Variants in PNPLA7 observed in about 807,000 individuals in gnomAD.
PNPLA7 encodes patatin like domain 7, lysophospholipase.
PNPLA7 carries 153 observed loss-of-function variants against 161.7 expected under a neutral mutation model. The ratio of observed to expected loss-of-function variants is 0.95; its 90% CI spans 0.83 to 1.08. The LOEUF (loss-of-function observed/expected upper bound fraction) is 1.08, where lower values mean the gene tolerates loss of function less well. PNPLA7 is among the 50% of genes least tolerant of loss of function. PNPLA7 has a pLI of 0.00. For missense variants in PNPLA7, 1,739 were observed against 1,856.6 expected, an observed-to-expected ratio of 0.94 and a Z score of 1.16; for synonymous variants, 809 against 782.1, an observed-to-expected ratio of 1.03 and a Z score of -0.57.
intron 14 of PNPLA7, among the ~76,000 whole-genome samples, chr9:137,504,113 G>GA (rs1833774218): frequency 7.7e-6 from 1 of 129,622 alleles, no homozygotes. Context: ...AAGAAAGAAA[G>GA]AAGAAGAAGA....
rs777197174 is a variant in PNPLA7, at chr9:137,523,842, G to C, written c.748-985C>G. Among the ~76,000 whole-genome samples, 2 of 152,130 alleles carry C rather than the reference G, an allele frequency of 1.3e-5. No individual in the cohort carries two copies. Among genetic ancestry groups the C allele is most frequent in the Non-Finnish European group, 2.9e-5 (2 of 68,036 alleles). On this transcript the variant is annotated intron_variant, in intron 8 of 34. Transcript: ENST00000406427. This position sits in a 1 kb window ranked among gnomAD's most constrained non-coding sequence, Gnocchi z 4.4. ...AGACAGGGTTTCACTGTGTTAGCCA[G>C]GAGGGTCTCGATCTCCTGACCTCGT... is the stretch of plus-strand genomic sequence containing the variant.
At chr9:137,522,628 AAG>A (rs1835085957) in intron 9 of PNPLA7, 99 bp downstream of exon 9, 1 of 1,306,984 alleles carries the variant, frequency 7.7e-7, no homozygotes, top group Non-Finnish European at 1.1e-6. Flanking sequence ...AGAACTGAGA[AAG>A]TAAGTGGGCA....
chr9:137,518,166 C>T (rs1834735843), intron 11 of PNPLA7, among the ~76,000 whole-genome samples: 1 of 125,882 alleles, frequency 7.9e-6, no homozygotes, highest in East Asian at 2.3e-4. Context: ...CGCACTCACT[C>T]CACTCTGTCC....
intron 6 of PNPLA7, 61 bp from the exon 7 acceptor site, chr9:137,542,862 G>C (rs1836284528): frequency 6.4e-7 from 1 of 1,550,570 alleles, no homozygotes; most frequent in Non-Finnish European, 8.8e-7. Context: ...GCCTCTCCAA[G>C]AGTCTCGAGA....
rs943815755 is a variant in PNPLA7, at chr9:137,490,997, G to A, written c.2197+2016C>T. On this transcript the variant is annotated intron_variant, in intron 20 of 34. Transcript: ENST00000406427. The surrounding 1 kb of genome is among the most constrained non-coding windows in gnomAD (Gnocchi z 4.1). ...CAAGGATAAGTTAGGTATGGATAAC[G>A]TCATCGCTAGAGTAACCACTGAAAA... Among the ~76,000 whole-genome samples, 4 of 152,196 alleles carry A rather than the reference G, an allele frequency of 2.6e-5. No individual in the cohort carries two copies. The highest frequency in any genetic ancestry group is 1.9e-4 in the East Asian group (1 of 5,206).
At chr9:137,481,884 T>A (rs938420595) in intron 21 of PNPLA7, among the ~76,000 whole-genome samples, 1 of 152,132 alleles carries the variant, frequency 6.6e-6, no homozygotes, top group Non-Finnish European at 1.5e-5. Context: ...TGCAGTGAGC[T>A]GAGATCGCGC....
At position 137,543,347 on chromosome 9, in the gene PNPLA7, G is replaced by C; in HGVS notation, c.506+85C>G. ...TTTGCCAACCATTCCCCCAACACAAGACGGCCAAGCTGGAGCCAGGCCCCA... is the reference window on the plus strand; with the variant it reads ...TTTGCCAACCATTCCCCCAACACAACACGGCCAAGCTGGAGCCAGGCCCCA... On this transcript the variant is annotated intron_variant, in intron 6 of 34. Coordinates refer to ENST00000406427, the MANE Select transcript of PNPLA7 (RefSeq NM_001098537.3). This position sits in a 1 kb window ranked among gnomAD's most constrained non-coding sequence, Gnocchi z 6.9. 3 of 1,558,182 alleles carry C rather than the reference G, an allele frequency of 1.9e-6. No homozygotes were observed. The highest frequency in any genetic ancestry group is 2.6e-6 in the Non-Finnish European group (3 of 1,136,912).
Position 137,543,310 on chromosome 9 carries a change from C to T in PNPLA7, c.506+122G>A. On this transcript the variant is annotated intron_variant, in intron 6 of 34. Coordinates refer to ENST00000406427, the MANE Select transcript of PNPLA7 (RefSeq NM_001098537.3). The surrounding 1 kb of genome is among the most constrained non-coding windows in gnomAD (Gnocchi z 6.9). ...GCCACGGGGCACAGACACCAGCAGC[C>T]CCACGATGCGCTTTGCCAACCATTC... 1.6e-6 allele frequency: 2 copies of T among 1,271,296 alleles called. No individual in the cohort carries two copies. The highest frequency in any genetic ancestry group is 4.6e-5 in the East Asian group (2 of 43,102). The allele number at this position is 1,271,296 out of a possible 1,614,324, so 78.8% of individuals were successfully genotyped here.
intron 8 of PNPLA7, among the ~76,000 whole-genome samples, chr9:137,532,726 G>A (rs766630896): frequency 2.5e-4 from 38 of 152,106 alleles, no homozygotes; most frequent in Admixed American, 8.5e-4. Flanking sequence ...CAGGTGAGAC[G>A]GGAAGAGGGG....
chr9:137,459,999 G>T lies in PNPLA7; in HGVS notation c.*394C>A, dbSNP rs142589658. On this transcript the variant is annotated 3_prime_UTR_variant, in exon 35 of 35. Transcript: ENST00000406427. ...TGAAACATCACACGGCAGCATCAGG[G>T]CTCCCACACCTCACAGGGCAGCAGG... 138 of 206,126 alleles carry T rather than the reference G, an allele frequency of 6.7e-4. 1 individual carries two copies. Among genetic ancestry groups the T allele is most frequent in the African/African-American group, 2.9e-3 (123 of 43,064 alleles). 12.8% of individuals were successfully genotyped at this position (206,126 alleles called of 1,614,324 possible).
At chr9:137,505,593 G>A (rs1412965702) in intron 14 of PNPLA7, 21 bp downstream of exon 14, 6 of 1,612,500 alleles carry the variant, frequency 3.7e-6, no homozygotes, top group Non-Finnish European at 3.4e-6. Flanking sequence ...CAAGGGCCAG[G>A]TGCCCGCCGG....
At chr9:137,487,450 G>A (rs1832544403) in intron 20 of PNPLA7, among the ~76,000 whole-genome samples, 1 of 152,170 alleles carries the variant, frequency 6.6e-6, no homozygotes, top group South Asian at 2.1e-4. Context: ...TACCCAAACC[G>A]GCAGCCCCAG....
intron 8 of PNPLA7, among the ~76,000 whole-genome samples, chr9:137,527,124 G>A (rs529243529): frequency 4.6e-5 from 7 of 152,050 alleles, no homozygotes; most frequent in Admixed American, 2.6e-4. Context: ...AAAATTAGCC[G>A]GGTGTGGTGG....
At chr9:137,481,890 C>T (rs572012734) in intron 21 of PNPLA7, among the ~76,000 whole-genome samples, 22 of 152,216 alleles carry the variant, frequency 1.4e-4, no homozygotes, top group African/African-American at 2.4e-4. Context: ...GAGCTGAGAT[C>T]GCGCCACTGC....
rs1260206976 is a variant in PNPLA7, at chr9:137,460,041, A to G, written c.*352T>C. 2.3e-5 allele frequency: 6 copies of G among 264,330 alleles called. No individual in the cohort carries two copies. The highest frequency in any genetic ancestry group is 1.5e-5 in the Non-Finnish European group (2 of 131,784). 16.4% of individuals were successfully genotyped at this position (264,330 alleles called of 1,614,324 possible). A position where few individuals can be genotyped will look rare whatever the true frequency, so the allele number is the denominator to read the frequency against. On this transcript the variant is annotated 3_prime_UTR_variant, in exon 35 of 35. Transcript: ENST00000406427. Reference sequence around the variant, plus strand: ...GGCAGCAGGCAGTTCACAGGACAGCAGGCAGTTCACAGGGCTTTGGGGGCC... The same window carrying G: ...GGCAGCAGGCAGTTCACAGGACAGCGGGCAGTTCACAGGGCTTTGGGGGCC...
At chr9:137,464,536 C>A in intron 26 of PNPLA7, 80 bp from the exon 27 acceptor site, 1 of 1,303,972 alleles carries the variant, frequency 7.7e-7, no homozygotes. Flanking sequence ...GTGCTGAGGG[C>A]CTCTCATGAA....
intron 11 of PNPLA7, among the ~76,000 whole-genome samples, chr9:137,516,749 TG>T (rs1834594474): frequency 6.6e-6 from 1 of 151,794 alleles, no homozygotes; most frequent in South Asian, 2.1e-4. Context: ...GCCAGTGACA[TG>T]GGGGTGGCAG....
At chr9:137,494,528 C>T (rs1267533141) in intron 19 of PNPLA7, among the ~76,000 whole-genome samples, 2 of 152,114 alleles carry the variant, frequency 1.3e-5, no homozygotes, top group African/African-American at 2.4e-5. Context: ...CCTGTGCCAC[C>T]CTCACCCGCA....
At chr9:137,481,904 C>T (rs372625199) in intron 21 of PNPLA7, among the ~76,000 whole-genome samples, 5 of 152,192 alleles carry the variant, frequency 3.3e-5, no homozygotes, top group Admixed American at 2.0e-4. Flanking sequence ...CCACTGCACT[C>T]CAGCCTGGAC....
Sources: gnomAD v4.1 joint callset for allele counts (sites outside exome capture counted in the v4.1 genomes callset) on GRCh38, gnomAD v4.1.1 for gene constraint, Gnocchi (gnomAD v3.1) non-coding constraint, MANE v1.5 for transcripts, NCBI Gene and HGNC (gene_info 2026-07-23, HGNC 2026-07-21) for gene names.